Variants in VGLL3 observed in about 807,000 individuals in gnomAD.
VGLL3 encodes the protein vestigial like family member 3.
Under a neutral mutation model 29.2 loss-of-function variants are expected in VGLL3, and 18 were observed. The ratio of observed to expected loss-of-function variants is 0.62; its 90% CI spans 0.43 to 0.91. VGLL3 has a LOEUF of 0.91. Ranked by LOEUF, VGLL3 falls within the 40% of genes least tolerant of loss-of-function variation. VGLL3 has a pLI of 0.00. For missense variants in VGLL3, 440 were observed against 413.2 expected, an observed-to-expected ratio of 1.06 and a Z score of -0.56; for synonymous variants, 180 against 151.8, an observed-to-expected ratio of 1.19 and a Z score of -1.36.
At chr3:86,960,244 G>A (rs2106990263) in intron 3 of VGLL3, among the ~76,000 whole-genome samples, 1 of 152,188 alleles carries the variant, frequency 6.6e-6, no homozygotes, top group Admixed American at 6.5e-5. Context: ...AGAATATTCA[G>A]ATTAAATCAG....
At chr3:86,948,012 AGGTG>A (rs1434789512) in intron 3 of VGLL3, among the ~76,000 whole-genome samples, 1 of 152,088 alleles carries the variant, frequency 6.6e-6, no homozygotes, top group African/African-American at 2.4e-5. Context: ...TATATATTTA[AGGTG>A]TATAACGAGA....
At chr3:86,974,228 C>T (rs145992731) in intron 2 of VGLL3, among the ~76,000 whole-genome samples, 1 of 152,036 alleles carries the variant, frequency 6.6e-6, no homozygotes, top group Non-Finnish European at 1.5e-5. Flanking sequence ...AGCGATTCTC[C>T]TGTCTCAGTC....
At chr3:86,951,736 C>T (rs898586060) in intron 3 of VGLL3, among the ~76,000 whole-genome samples, 1 of 150,940 alleles carries the variant, frequency 6.6e-6, no homozygotes, top group African/African-American at 2.4e-5. Flanking sequence ...TTATCCCCCC[C>T]AAAAAATCTT....
At chr3:86,981,271 A>T (rs1705320065) in intron 1 of VGLL3, among the ~76,000 whole-genome samples, 1 of 152,098 alleles carries the variant, frequency 6.6e-6, no homozygotes, top group African/African-American at 2.4e-5. Context: ...ATTTCAATTG[A>T]TTTAAGATTT....
At chr3:86,948,222 G>A (rs1414678775) in intron 3 of VGLL3, among the ~76,000 whole-genome samples, 1 of 152,176 alleles carries the variant, frequency 6.6e-6, no homozygotes, top group African/African-American at 2.4e-5. Flanking sequence ...TTAAACATGT[G>A]TGTAGAAATG....
chr3:86,949,192 CTT>C (rs1559719204), intron 3 of VGLL3, among the ~76,000 whole-genome samples: 1 of 152,180 alleles, frequency 6.6e-6, no homozygotes, highest in Non-Finnish European at 1.5e-5. Flanking sequence ...TCACGTGAGA[CTT>C]TTGCTGCAGA....
intron 3 of VGLL3, among the ~76,000 whole-genome samples, chr3:86,949,019 G>A (rs1335948091): frequency 6.6e-6 from 1 of 152,138 alleles, no homozygotes; most frequent in African/African-American, 2.4e-5. Context: ...TCCTCTGTAT[G>A]ACTCAGGATT....
At chr3:86,966,539 T>A (rs1359730328) in intron 3 of VGLL3, among the ~76,000 whole-genome samples, 1 of 151,870 alleles carries the variant, frequency 6.6e-6, no homozygotes, top group Non-Finnish European at 1.5e-5. Context: ...TCTTTCACTA[T>A]TAACCATTTT....
At chr3:86,964,784 T>C (rs990676798) in intron 3 of VGLL3, among the ~76,000 whole-genome samples, 2 of 152,344 alleles carry the variant, frequency 1.3e-5, no homozygotes, top group Non-Finnish European at 2.9e-5. Flanking sequence ...TAAATTTCTG[T>C]TGTTTATAAG....
At chr3:86,976,045 C>T (rs921157787) in intron 2 of VGLL3, among the ~76,000 whole-genome samples, 8 of 151,856 alleles carry the variant, frequency 5.3e-5, no homozygotes, top group Non-Finnish European at 1.0e-4. Flanking sequence ...ACTGGGGAGG[C>T]GGAGGTTGCA....
At chr3:86,953,431 C>T (rs576413625) in intron 3 of VGLL3, among the ~76,000 whole-genome samples, 25 of 152,102 alleles carry the variant, frequency 1.6e-4, no homozygotes, top group East Asian at 3.9e-4. Context: ...CACACACACA[C>T]GGGTGTACAA....
intron 2 of VGLL3, among the ~76,000 whole-genome samples, chr3:86,971,374 C>G (rs1559729194): frequency 6.6e-6 from 1 of 152,184 alleles, no homozygotes; most frequent in Non-Finnish European, 1.5e-5. Flanking sequence ...TGATCATGAC[C>G]ATTCATCCCA....
At chr3:86,986,301 T>A (rs962754895) in intron 1 of VGLL3, among the ~76,000 whole-genome samples, 1 of 152,186 alleles carries the variant, frequency 6.6e-6, no homozygotes, top group Non-Finnish European at 1.5e-5. Flanking sequence ...TGGCATTTTG[T>A]TTCTTGGTGA....
chr3:86,950,903 A>G (rs1318863757), intron 3 of VGLL3, among the ~76,000 whole-genome samples: 1 of 152,196 alleles, frequency 6.6e-6, no homozygotes, highest in Non-Finnish European at 1.5e-5. Context: ...CGAAGAAACA[A>G]AGATTTCAAT....
In VGLL3 at chr3:86,963,853, T is replaced by C. The variant is rs1236666918; in HGVS notation, c.937+4737A>G. Among the ~76,000 whole-genome samples, 9 of 152,186 alleles carry C rather than the reference T, an allele frequency of 5.9e-5. No homozygotes were observed. In the East Asian group the frequency reaches 1.7e-3, roughly 29 times the overall value. ...GGCTGACAAAATCAGGCAGTCTGGC[T>C]TCAAAGCTCATGCCGTCCACTAACT... On this transcript the variant is annotated intron_variant, in intron 3 of 3. Transcript: ENST00000398399.
intron 3 of VGLL3, among the ~76,000 whole-genome samples, chr3:86,959,292 AT>A (rs1308550843): frequency 6.6e-6 from 1 of 152,188 alleles, no homozygotes; most frequent in African/African-American, 2.4e-5. Context: ...TGCCTATTAT[AT>A]TTTTAATACC....
intron 3 of VGLL3, among the ~76,000 whole-genome samples, chr3:86,953,497 T>C (rs1007799094): frequency 6.6e-6 from 1 of 152,196 alleles, no homozygotes. Context: ...AAAATATACA[T>C]GTGTATAATT....
At chr3:86,953,048 G>A (rs1704647691) in intron 3 of VGLL3, among the ~76,000 whole-genome samples, 1 of 152,052 alleles carries the variant, frequency 6.6e-6, no homozygotes, top group Non-Finnish European at 1.5e-5. Flanking sequence ...AAGAGAGAAG[G>A]CTACTCAATC....
intron 3 of VGLL3, among the ~76,000 whole-genome samples, chr3:86,961,199 C>T (rs1704831472): frequency 2.0e-5 from 3 of 151,910 alleles, no homozygotes; most frequent in Non-Finnish European, 4.4e-5. Flanking sequence ...ATGCCATGAG[C>T]AGCTTGTGTT....
Sources: allele counts gnomAD v4.1 joint callset (sites outside exome capture counted in the v4.1 genomes callset), GRCh38; gene constraint gnomAD v4.1.1; transcripts MANE v1.5; gene names NCBI Gene and HGNC (gene_info 2026-07-23, HGNC 2026-07-21).